SLC16A12: variants seen among roughly 807,000 people sequenced by gnomAD.
SLC16A12 encodes the protein solute carrier family 16 member 12, also known as monocarboxylate transporter 12.
A neutral mutation model predicts 42.4 loss-of-function variants in SLC16A12; 17 were observed. That is an observed-to-expected ratio of 0.40 (90% CI 0.27 to 0.60). The LOEUF (loss-of-function observed/expected upper bound fraction) is 0.60, where lower values mean the gene tolerates loss of function less well. Among genes scored for constraint, SLC16A12 ranks in the 20% least tolerant of loss-of-function variants. SLC16A12 has a pLI of 0.42. For synonymous variants in SLC16A12, 224 were observed against 229.4 expected (o/e 0.98, Z 0.21); for missense variants, 544 against 623.0 (o/e 0.87, Z 1.35).
intron 2 of SLC16A12, among the ~76,000 whole-genome samples, chr10:89,507,787 T>C (rs974142121): frequency 1.3e-5 from 2 of 152,144 alleles, no homozygotes; most frequent in Admixed American, 6.5e-5. Flanking sequence ...AGACTGGCAA[T>C]TGGATAAAGA....
intron 2 of SLC16A12, among the ~76,000 whole-genome samples, chr10:89,496,676 T>C (rs1842926029): frequency 6.6e-6 from 1 of 152,190 alleles, no homozygotes; most frequent in Admixed American, 6.5e-5. Context: ...AATTAAGCTT[T>C]AAGGAGCTAA....
chr10:89,503,915 G>A (rs1843023603), intron 2 of SLC16A12, among the ~76,000 whole-genome samples: 1 of 152,084 alleles, frequency 6.6e-6, no homozygotes, highest in Non-Finnish European at 1.5e-5. Context: ...AAAACCCCAG[G>A]GTATCAAATG....
intron 2 of SLC16A12, among the ~76,000 whole-genome samples, chr10:89,530,542 C>A (rs576481132): frequency 6.6e-6 from 1 of 151,952 alleles, no homozygotes; most frequent in South Asian, 2.1e-4. Context: ...CTCAGCCTCC[C>A]GAGTAGCTGG....
intron 2 of SLC16A12, among the ~76,000 whole-genome samples, chr10:89,476,565 T>C (rs1842584626): frequency 1.3e-5 from 2 of 152,214 alleles, no homozygotes; most frequent in Admixed American, 1.3e-4. Context: ...AGGGACTCAA[T>C]AAGCAGTTAC....
At chr10:89,498,507 C>G (rs1269735011) in intron 2 of SLC16A12, among the ~76,000 whole-genome samples, 1 of 151,920 alleles carries the variant, frequency 6.6e-6, no homozygotes, top group East Asian at 1.9e-4. Context: ...TCATTTTTAT[C>G]AAGTATGTAA....
intron 2 of SLC16A12, among the ~76,000 whole-genome samples, chr10:89,496,388 G>C (rs1298198379): frequency 6.6e-6 from 1 of 151,900 alleles, no homozygotes; most frequent in Non-Finnish European, 1.5e-5. Context: ...ATCAGAAGAA[G>C]AACTATCCCA....
At chr10:89,477,447 C>G (rs1014499683) in intron 2 of SLC16A12, among the ~76,000 whole-genome samples, 5 of 151,540 alleles carry the variant, frequency 3.3e-5, no homozygotes. Flanking sequence ...GTCTGTAATC[C>G]CAGCTACTCG....
chr10:89,436,224 A>C lies in SLC16A12; in HGVS notation c.1124T>G (p.Leu375Arg), dbSNP rs540378548. ...AAAGGTACAAGAGAAAGGCACGAGC[A>C]GAGGGAGACTTTGAAGCATTGGGAG... The part of the protein sequence containing the change: ...LCLPMLQSLP[L>R]LVPFSCTFGY... Residue 375 changes from leucine to arginine, a missense_variant, in exon 7 of 8, where the codon CTG becomes CGG. Transcript: ENST00000371790. 1 of 1,614,190 alleles carries C rather than the reference A, an allele frequency of 6.2e-7. No homozygotes were observed. Among genetic ancestry groups the C allele is most frequent in the African/African-American group, 1.3e-5 (1 of 75,064 alleles).
At chr10:89,449,187 G>C (rs1034589710) in intron 3 of SLC16A12, among the ~76,000 whole-genome samples, 1 of 152,188 alleles carries the variant, frequency 6.6e-6, no homozygotes, top group African/African-American at 2.4e-5. Context: ...ACTGCCTGAA[G>C]TAATTTATAG....
chr10:89,519,417 C>T (rs1057325070), intron 2 of SLC16A12, among the ~76,000 whole-genome samples: 1 of 152,138 alleles, frequency 6.6e-6, no homozygotes, highest in Non-Finnish European at 1.5e-5. Context: ...AAACTGGTAT[C>T]TCCCACTTCG....
At chr10:89,462,866 G>T in intron 2 of SLC16A12, 1 of 353,070 alleles carries the variant, frequency 2.8e-6, no homozygotes, top group Non-Finnish European at 5.0e-6. Context: ...TTTTTCCCTA[G>T]CCTCTCTTGA....
At chr10:89,481,656 T>TGA (rs1181162125) in intron 2 of SLC16A12, among the ~76,000 whole-genome samples, 48 of 138,690 alleles carry the variant, frequency 3.5e-4, no homozygotes, top group African/African-American at 1.2e-3. Flanking sequence ...TGTGTGTGTG[T>TGA]GTGTGTGTGA....
intron 3 of SLC16A12, among the ~76,000 whole-genome samples, chr10:89,458,861 A>G (rs548481103): frequency 3.3e-5 from 5 of 152,276 alleles, no homozygotes; most frequent in South Asian, 2.1e-4. Context: ...ATAAATTGCA[A>G]TGTGGGGTGA....
chr10:89,438,182 AC>A (rs545517564), intron 6 of SLC16A12, among the ~76,000 whole-genome samples: 4 of 146,930 alleles, frequency 2.7e-5, no homozygotes, highest in Non-Finnish European at 6.1e-5. Flanking sequence ...TTTTTGTACT[AC>A]CTGTGAATTA....
intron 5 of SLC16A12, 140 bp from the exon 6 acceptor site, chr10:89,439,323 G>A (rs1841863899): frequency 1.2e-6 from 1 of 805,894 alleles, no homozygotes; most frequent in Non-Finnish European, 2.0e-6. Flanking sequence ...AGCTTAAAAT[G>A]AGTCTCCCCT....
intron 2 of SLC16A12, among the ~76,000 whole-genome samples, chr10:89,496,157 T>A (rs1426793443): frequency 1.3e-5 from 2 of 151,738 alleles, no homozygotes; most frequent in African/African-American, 4.8e-5. Context: ...AGAAATAAAT[T>A]CAGAGGAAAC....
At chr10:89,509,372 G>T (rs1843125896) in intron 2 of SLC16A12, among the ~76,000 whole-genome samples, 1 of 152,288 alleles carries the variant, frequency 6.6e-6, no homozygotes, top group East Asian at 1.9e-4. Flanking sequence ...GAATCCAGTG[G>T]CACATCAAAA....
rs192613803 is a variant in SLC16A12, at chr10:89,521,544, C to T, written c.-47+12957G>A. 1.2e-4 allele frequency among the ~76,000 whole-genome samples: 19 copies of T among 152,324 alleles called. No individual in the cohort carries two copies. The East Asian group carries it at 3.3e-3, about 26-fold the overall frequency. The stretch of plus-strand genomic sequence containing the variant: ...GGCTAAACTACAGAAGCAGAGGACA[C>T]CACACTGAGTCCTACTGAAGCTTCC... On this transcript the variant is annotated intron_variant, in intron 2 of 7. Transcript: ENST00000371790.
intron 2 of SLC16A12, among the ~76,000 whole-genome samples, chr10:89,480,579 G>A (rs1336566493): frequency 2.0e-5 from 3 of 152,020 alleles, no homozygotes; most frequent in Non-Finnish European, 4.4e-5. Flanking sequence ...GGAGCATATA[G>A]TAGGTACAAA....
Sources: gnomAD v4.1 joint callset for allele counts (sites outside exome capture counted in the v4.1 genomes callset) on GRCh38, gnomAD v4.1.1 for gene constraint, MANE v1.5 for transcripts, NCBI Gene and HGNC (gene_info 2026-07-23, HGNC 2026-07-21) for gene names.